Variants in TLR6 observed in about 807,000 individuals in gnomAD.
TLR6 encodes the protein toll-like receptor 6.
Under a neutral mutation model 16.1 loss-of-function variants are expected in TLR6, and 9 were observed. That is an observed-to-expected ratio of 0.56 (90% CI 0.34 to 0.98). TLR6 has a LOEUF of 0.98. Among genes scored for constraint, TLR6 ranks in the 50% least tolerant of loss-of-function variants. The probability of loss-of-function intolerance (pLI) is 0.02; values close to 1 mark genes in which losing one functional copy is unlikely to be tolerated. For synonymous variants in TLR6, 340 were observed against 338.6 expected, an observed-to-expected ratio of 1.00 and a Z score of -0.04; for missense variants, 786 against 921.0, an observed-to-expected ratio of 0.85 and a Z score of 1.90.
rs776533334 is a variant in TLR6, at chr4:38,828,342, T to C, written c.1132A>G (p.Lys378Glu). Residue 378 changes from lysine (K) to glutamate (E), a missense_variant, in exon 2 of 2, where the codon AAA becomes GAA. Coordinates refer to ENST00000436693, the Ensembl canonical transcript of TLR6. ...TTTTGTAAGATAAGTGTCTCCAATT[T>C]AACTAACGTGGAACATTTTTCAAAA... The C allele has an allele frequency of 1.9e-6, 3 of 1,613,272 alleles. No homozygotes were observed. In the African/African-American group the frequency reaches 4.0e-5, roughly 22 times the overall value.
At chr4:38,837,334 G>A (rs1270899047) in intron 1 of TLR6, among the ~76,000 whole-genome samples, 2 of 152,252 alleles carry the variant, frequency 1.3e-5, no homozygotes, top group African/African-American at 2.4e-5. Flanking sequence ...GACTTCAAAC[G>A]ATACTGCAAA....
chr4:38,842,503 A>G (rs892047343), intron 1 of TLR6, among the ~76,000 whole-genome samples: 5 of 152,218 alleles, frequency 3.3e-5, no homozygotes, highest in African/African-American at 1.2e-4. Context: ...TGACTGGGAA[A>G]GAGGGGTGGG....
chr4:38,849,650 A>G (rs900035759), intron 1 of TLR6, among the ~76,000 whole-genome samples: 4 of 149,656 alleles, frequency 2.7e-5, no homozygotes, highest in Non-Finnish European at 6.0e-5. Context: ...AAAACAAACT[A>G]TAAACTAACA....
the TLR6 span, among the ~76,000 whole-genome samples, chr4:38,866,098 A>G: frequency 2.6e-5 from 4 of 151,806 alleles, no homozygotes; most frequent in African/African-American, 9.7e-5. Flanking sequence ...ACTGCAGCCT[A>G]GGCCACAGAT....
intron 1 of TLR6, among the ~76,000 whole-genome samples, chr4:38,836,840 C>T (rs554468661): frequency 4.6e-5 from 7 of 150,706 alleles, no homozygotes; most frequent in South Asian, 4.2e-4. Context: ...CTCAGGAGGC[C>T]GAGGCATGAG....
intron 1 of TLR6, among the ~76,000 whole-genome samples, chr4:38,837,685 G>T (rs540447311): frequency 6.6e-6 from 1 of 152,214 alleles, no homozygotes; most frequent in East Asian, 1.9e-4. Context: ...CACTGGTCTA[G>T]GTAAAGATCT....
At chr4:38,825,742 A>T (rs1179426134) in exon 2 of TLR6, 1 of 152,152 alleles carries the variant, frequency 6.6e-6, no homozygotes, top group African/African-American at 2.4e-5. Flanking sequence ...CTGTTGGCTG[A>T]TATCCCGTCA....
chr4:38,837,586 C>T (rs1711999352), intron 1 of TLR6, among the ~76,000 whole-genome samples: 2 of 152,094 alleles, frequency 1.3e-5, no homozygotes, highest in African/African-American at 4.8e-5. Flanking sequence ...TCACCATATA[C>T]AAAAATCAAT....
At position 38,829,299 on chromosome 4, in the gene TLR6, T is replaced by TAG. The variant is rs748039112; in HGVS notation, c.174_175insCT (p.Met59LeufsTer15). 2 of 1,614,208 alleles carry TAG rather than the reference T, an allele frequency of 1.2e-6. No individual in the cohort carries two copies. Among genetic ancestry groups the TAG allele is most frequent in the South Asian group, 2.2e-5 (2 of 91,084 alleles). On this transcript the variant is annotated frameshift_variant, in exon 2 of 2. Transcript: ENST00000436693. LOFTEE classifies it low-confidence loss of function (END_TRUNC). ...AGCTCAGCGATGTAGTTCTGAGACATATCTAAGACTTTGGTTTTCAGCGGT... is the reference window on the plus strand; with the variant it reads ...AGCTCAGCGATGTAGTTCTGAGACATAGATCTAAGACTTTGGTTTTCAGCGGT...
exon 2 of TLR6, chr4:38,823,816 G>C (rs58498019): frequency 2.0e-5 from 3 of 152,230 alleles, no homozygotes; most frequent in East Asian, 1.9e-4. Context: ...AATGGGCCCC[G>C]TGGGACGAGG....
upstream of TLR6, among the ~76,000 whole-genome samples, chr4:38,860,615 A>G (rs1379802897): frequency 6.6e-6 from 1 of 152,208 alleles, no homozygotes; most frequent in Non-Finnish European, 1.5e-5. Context: ...TTAATATACA[A>G]AATATATAAA....
chr4:38,853,449 G>C (rs1234110693), intron 1 of TLR6, among the ~76,000 whole-genome samples: 1 of 151,650 alleles, frequency 6.6e-6, no homozygotes, highest in African/African-American at 2.4e-5. Flanking sequence ...GAAAAAAAAT[G>C]ACAGGAAGAA....
At chr4:38,851,693 C>A (rs1207115580) in intron 1 of TLR6, among the ~76,000 whole-genome samples, 1 of 152,076 alleles carries the variant, frequency 6.6e-6, no homozygotes, top group African/African-American at 2.4e-5. Context: ...ATGTGAAGGA[C>A]CTCTTCAAGG....
chr4:38,845,119 C>G (rs1712465059), intron 1 of TLR6, among the ~76,000 whole-genome samples: 1 of 152,184 alleles, frequency 6.6e-6, no homozygotes, highest in South Asian at 2.1e-4. Context: ...GCTTCCTCTT[C>G]TTGCCTTAAA....
intron 1 of TLR6, among the ~76,000 whole-genome samples, chr4:38,839,735 G>A (rs775932056): frequency 6.6e-6 from 1 of 152,180 alleles, no homozygotes; most frequent in Non-Finnish European, 1.5e-5. Context: ...ATTACTTATT[G>A]TAACAATGAT....
At chr4:38,865,592 C>T in the TLR6 span, among the ~76,000 whole-genome samples, 178 of 152,224 alleles carry the variant, frequency 1.2e-3, no homozygotes, top group African/African-American at 4.1e-3. Context: ...CAGGCACAGA[C>T]GTCTGTGTAT....
chr4:38,827,386 G>A, exon 2 of TLR6: 1 of 1,614,174 alleles, frequency 6.2e-7, no homozygotes, highest in South Asian at 1.1e-5. Flanking sequence ...AGATGGACTT[G>A]TAACTCTTCT....
chr4:38,824,867 G>C (rs1385635612), exon 2 of TLR6: 1 of 152,214 alleles, frequency 6.6e-6, no homozygotes, highest in Non-Finnish European at 1.5e-5. Flanking sequence ...CGCTGTCTCA[G>C]CTCACTACAG....
At chr4:38,851,664 G>A (rs1712778767) in intron 1 of TLR6, among the ~76,000 whole-genome samples, 1 of 152,060 alleles carries the variant, frequency 6.6e-6, no homozygotes, top group South Asian at 2.1e-4. Context: ...AAAATACCTA[G>A]GAATCCAACT....
Sources: allele counts gnomAD v4.1 joint callset (sites outside exome capture counted in the v4.1 genomes callset), GRCh38; gene constraint gnomAD v4.1.1; transcripts MANE v1.5; gene names NCBI Gene and HGNC (gene_info 2026-07-23, HGNC 2026-07-21).